LMAN1: variants seen among roughly 807,000 people sequenced by gnomAD.
LMAN1 encodes protein ERGIC-53.
LMAN1 carries 32 observed loss-of-function variants against 67.8 expected under a neutral mutation model. The observed-to-expected ratio is 0.47, with a 90% confidence interval of 0.36 to 0.63. The LOEUF is 0.63. LMAN1 is among the 30% of genes least tolerant of loss of function. LMAN1 has a pLI of 0.00. For synonymous variants in LMAN1, 235 were observed against 219.3 expected (o/e 1.07, Z -0.63); for missense variants, 632 against 628.2 (o/e 1.01, Z -0.06).
At chr18:59,356,141 T>C (rs1319681395) in intron 1 of LMAN1, among the ~76,000 whole-genome samples, 3 of 152,162 alleles carry the variant, frequency 2.0e-5, no homozygotes, top group Non-Finnish European at 4.4e-5. Context: ...TGTTTACCTG[T>C]AAAATGAAGG....
intron 8 of LMAN1, among the ~76,000 whole-genome samples, chr18:59,344,343 A>G (rs1908352809): frequency 6.6e-6 from 1 of 152,198 alleles, no homozygotes; most frequent in Non-Finnish European, 1.5e-5. Flanking sequence ...TTGCACTTAT[A>G]CGTTTATTGC....
In LMAN1 at chr18:59,328,440, C is replaced by A. The variant is rs576194976; in HGVS notation, c.*2653G>T. ...GATTCAGTCTGTAGTTGCTCATGAA[C>A]CACGCGTTTTAATAAAAGGAACATT... On this transcript the variant is annotated 3_prime_UTR_variant, in exon 13 of 13. Transcript: ENST00000251047. The A allele has an allele frequency of 4.9e-4, 75 of 152,248 alleles. No individual in the cohort carries two copies. Among genetic ancestry groups the A allele is most frequent in the African/African-American group, 1.7e-3 (70 of 41,534 alleles). The allele number at this position is 152,248 out of a possible 1,614,324, so 9.4% of individuals were successfully genotyped here.
chr18:59,339,979 C>CTATGCATA (rs1908250869), intron 8 of LMAN1, among the ~76,000 whole-genome samples: 1 of 152,154 alleles, frequency 6.6e-6, no homozygotes, highest in African/African-American at 2.4e-5. Flanking sequence ...GAAACAGGCT[C>CTATGCATA]TCCTATGCAT....
rs41361753 is a variant in LMAN1 at position 59,343,608 on chromosome 18, A to C, written c.955+2311T>G. ...AAATTGAATAGCTATATATAGAAGA[A>C]TGCAAGTGGACCCATACTTCTCACC... is the stretch of plus-strand genomic sequence containing the variant. On this transcript the variant is annotated intron_variant, in intron 8 of 12. Transcript: ENST00000251047. Among the ~76,000 whole-genome samples, 693 of 152,192 alleles carry C rather than the reference A, an allele frequency of 4.6e-3. 6 individuals are homozygous for C. Among genetic ancestry groups the C allele is most frequent in the African/African-American group, 0.016 (647 of 41,558 alleles).
intron 7 of LMAN1, 41 bp from the exon 8 acceptor site, chr18:59,346,092 G>GA: frequency 6.7e-7 from 1 of 1,500,814 alleles, no homozygotes; most frequent in Non-Finnish European, 9.1e-7. Context: ...AAAAAGATAA[G>GA]AAAATCATTA....
intron 8 of LMAN1, among the ~76,000 whole-genome samples, chr18:59,344,233 G>A (rs1603394955): frequency 6.6e-6 from 1 of 152,242 alleles, no homozygotes; most frequent in East Asian, 1.9e-4. Context: ...ACAGTATGGA[G>A]AATTCTCAAA....
intron 7 of LMAN1, 68 bp from the exon 8 acceptor site, chr18:59,346,119 G>A: frequency 2.4e-6 from 3 of 1,268,540 alleles, no homozygotes; most frequent in Non-Finnish European, 3.3e-6. Flanking sequence ...CTCTATACAT[G>A]TTATTTTTCT....
At chr18:59,358,485 A>C (rs896428372) in intron 1 of LMAN1, among the ~76,000 whole-genome samples, 3 of 152,078 alleles carry the variant, frequency 2.0e-5, no homozygotes, top group Non-Finnish European at 1.5e-5. Flanking sequence ...AATTACTCTA[A>C]TACTACTATA....
chr18:59,340,530 T>C (rs930615617), intron 8 of LMAN1, among the ~76,000 whole-genome samples: 1 of 151,882 alleles, frequency 6.6e-6, no homozygotes, highest in Non-Finnish European at 1.5e-5. Flanking sequence ...GAATTTTATA[T>C]CCTGCTAGAA....
intron 1 of LMAN1, among the ~76,000 whole-genome samples, chr18:59,358,284 G>T (rs534454571): frequency 6.6e-6 from 1 of 152,196 alleles, no homozygotes; most frequent in East Asian, 1.9e-4. Flanking sequence ...TTTTTAAAGG[G>T]CTAAAAATGT....
chr18:59,345,307 G>A (rs1409599339), intron 8 of LMAN1, among the ~76,000 whole-genome samples: 1 of 152,080 alleles, frequency 6.6e-6, no homozygotes, highest in Non-Finnish European at 1.5e-5. Context: ...CCTCAATTTG[G>A]CCTTAAAATG....
intron 1 of LMAN1, among the ~76,000 whole-genome samples, chr18:59,357,272 G>C (rs1353693928): frequency 1.3e-5 from 2 of 152,310 alleles, no homozygotes; most frequent in East Asian, 3.9e-4. Context: ...CAGCAGAATA[G>C]ATTAGTTGGT....
chr18:59,358,209 AC>A (rs1489722429), intron 1 of LMAN1, among the ~76,000 whole-genome samples: 1 of 152,254 alleles, frequency 6.6e-6, no homozygotes, highest in Admixed American at 6.5e-5. Flanking sequence ...TCTCTTATCT[AC>A]AAAAGTGCCA....
intron 8 of LMAN1, among the ~76,000 whole-genome samples, chr18:59,341,109 C>T (rs1246277531): frequency 1.3e-5 from 2 of 151,684 alleles, no homozygotes; most frequent in African/African-American, 4.8e-5. Context: ...AAAGAAAAGA[C>T]AAAGAAGGTT....
rs2277728 is a variant in LMAN1, at chr18:59,359,024, G to A, written c.214+7C>T. The A allele has an allele frequency of 4.1e-4, 664 of 1,613,462 alleles. 4 individuals are homozygous for A. The East Asian group carries it at 0.011, about 28-fold the overall frequency. On this transcript the variant is annotated splice_region_variant and intron_variant, in intron 1 of 12. Coordinates refer to ENST00000251047, the MANE Select transcript of LMAN1 (RefSeq NM_005570.4). ...AACCCGGCCCCCAGCCCTCTGCTCC[G>A]GCTTACTCCCCGCGTGGGCCCAGAA...
chr18:59,347,456 G>C (rs8089719), intron 7 of LMAN1, 57 bp downstream of exon 7: 1 of 1,243,674 alleles, frequency 8.0e-7, no homozygotes, highest in Middle Eastern at 2.0e-4. Context: ...CTTCCAAAAC[G>C]TTCAGCTAAA....
intron 10 of LMAN1, among the ~76,000 whole-genome samples, chr18:59,335,472 T>A (rs1055359809): frequency 5.6e-4 from 80 of 142,072 alleles, no homozygotes; most frequent in Non-Finnish European, 3.1e-4. Flanking sequence ...AAAAAGAAAA[T>A]ACGTATATGC....
At chr18:59,332,284 GATA>G (rs543199849) in intron 11 of LMAN1, among the ~76,000 whole-genome samples, 228 of 152,152 alleles carry the variant, frequency 1.5e-3, no homozygotes, top group East Asian at 5.2e-3. Context: ...TAAGGGGACA[GATA>G]ATAATGCTTT....
chr18:59,334,907 A>C (rs374752342), intron 10 of LMAN1, among the ~76,000 whole-genome samples: 78 of 152,148 alleles, frequency 5.1e-4, no homozygotes, highest in African/African-American at 1.5e-3. Flanking sequence ...ACTTGAGCTC[A>C]GTTTTTATAT....
Sources: allele counts gnomAD v4.1 joint callset (sites outside exome capture counted in the v4.1 genomes callset), GRCh38; gene constraint gnomAD v4.1.1; transcripts MANE v1.5; gene names NCBI Gene and HGNC (gene_info 2026-07-23, HGNC 2026-07-21).